Variants in CASZ1 observed in about 807,000 individuals in gnomAD.
CASZ1 encodes zinc finger protein castor homolog 1.
In CASZ1, 28 loss-of-function variants were observed where a neutral mutation model predicts 135.2. The observed-to-expected ratio is 0.21, with a 90% CI of 0.15 to 0.28. CASZ1 has a LOEUF of 0.28. Ranked by LOEUF, CASZ1 falls within the 10% of genes least tolerant of loss-of-function variation. The pLI, the probability that CASZ1 is intolerant of heterozygous loss-of-function variation, is 1.00. For missense variants in CASZ1, 2,161 were observed against 2,453.3 expected, an observed-to-expected ratio of 0.88 and a Z score of 2.52; for synonymous variants, 1,068 against 1,073.4, an observed-to-expected ratio of 0.99 and a Z score of 0.10.
In CASZ1 at chr1:10,727,744, T is replaced by G. The variant is rs1234240687; in HGVS notation, c.-76-22200A>C. 6.6e-6 allele frequency among the ~76,000 whole-genome samples: 1 copy of G among 152,202 alleles called. No individual in the cohort carries two copies. The highest frequency in any genetic ancestry group is 2.4e-5 in the African/African-American group (1 of 41,460). On this transcript the variant is annotated intron_variant, in intron 2 of 20. Transcript: ENST00000377022. The surrounding 1 kb of genome is among the most constrained non-coding windows in gnomAD (Gnocchi z 5.3). ...GAGAAGCTGGCCTTCACCTCGTTCC[T>G]GATCAGAGGCTGAGGAAGGCCAGGC...
chr1:10,642,963 C>T lies in CASZ1; in HGVS notation c.4058G>A (p.Cys1353Tyr). 1.2e-6 allele frequency: 2 copies of T among 1,613,104 alleles called. No individual in the cohort carries two copies. The highest frequency in any genetic ancestry group is 1.7e-6 in the Non-Finnish European group (2 of 1,179,972). ...TGGGCTGCAGCCAGTGTAGTCCATG[C>T]ACTCATCTGTCTCAGCATCCATCAG... ...PGLMDAETDE[C>Y]MDYTGCSPGA... The change falls in exon 20 of 21, where the codon TGC becomes TAC. Residue 1353 changes from cysteine (C) to tyrosine (Y), a missense_variant. This residue lies in a region of CASZ1 where 143 missense variants were observed against 128.3 expected (regional missense o/e 1.11). Coordinates refer to ENST00000377022, the MANE Select transcript of CASZ1 (RefSeq NM_001079843.3).
intron 4 of CASZ1, among the ~76,000 whole-genome samples, chr1:10,668,365 G>A (rs191029895): frequency 4.3e-4 from 65 of 152,322 alleles, no homozygotes; most frequent in African/African-American, 1.4e-3. Context: ...ATCCGTCCCC[G>A]GCCCTGTCAC....
intron 2 of CASZ1, among the ~76,000 whole-genome samples, chr1:10,758,328 C>CTTT (rs756390835): frequency 3.7e-5 from 5 of 134,352 alleles, no homozygotes; most frequent in East Asian, 2.2e-4. Flanking sequence ...CTCTCTCTCT[C>CTTT]TTTTTTTTTT....
In CASZ1 at chr1:10,686,071, C is replaced by T. The variant is rs373163606; in HGVS notation, c.16+7803G>A. Among the ~76,000 whole-genome samples the T allele has an allele frequency of 1.3e-4, 20 of 152,280 alleles. No individual in the cohort carries two copies. The South Asian group carries it at 4.1e-3, about 32-fold the overall frequency. On this transcript the variant is annotated intron_variant, in intron 4 of 20. Coordinates refer to ENST00000377022, the MANE Select transcript of CASZ1 (RefSeq NM_001079843.3). Reference sequence around the variant, plus strand: ...GCTGGGAAGAGGCTACTGGGGCCAACCTGACCCCGTGGCCCCCACCTGACC... The same window carrying T: ...GCTGGGAAGAGGCTACTGGGGCCAATCTGACCCCGTGGCCCCCACCTGACC...
chr1:10,785,057 G>GTC (rs111606813), intron 1 of CASZ1, among the ~76,000 whole-genome samples: 31 of 146,940 alleles, frequency 2.1e-4, no homozygotes, highest in Admixed American at 1.3e-3. Context: ...CTTTCTTTCT[G>GTC]TCTCTCTCTC....
intron 1 of CASZ1, among the ~76,000 whole-genome samples, chr1:10,789,342 T>G (rs1640913187): frequency 2.5e-5 from 3 of 120,686 alleles, no homozygotes; most frequent in Non-Finnish European, 3.6e-5. Context: ...GGCCTGCCAC[T>G]TCCCCAGGGC....
chr1:10,708,236 C>T (rs538097837), intron 2 of CASZ1, among the ~76,000 whole-genome samples: 2 of 152,294 alleles, frequency 1.3e-5, no homozygotes, highest in Admixed American at 6.5e-5. Flanking sequence ...GCCTTCTGAC[C>T]TCCTTCCTCC....
At position 10,762,847 on chromosome 1, in the gene CASZ1, T is replaced by A. The variant is rs951877033; in HGVS notation, c.-233-1990A>T. ...CGGTGAACACTCTCGGTGTTTCATG[T>A]CCTTGGCTCAGAGGAGGTTCCAGCT... On this transcript the variant is annotated intron_variant, in intron 1 of 20. Coordinates refer to ENST00000377022, the MANE Select transcript of CASZ1 (RefSeq NM_001079843.3). This position sits in a 1 kb window ranked among gnomAD's most constrained non-coding sequence, Gnocchi z 4.1. 3.9e-5 allele frequency among the ~76,000 whole-genome samples: 6 copies of A among 152,174 alleles called. No homozygotes were observed. The highest frequency in any genetic ancestry group is 1.4e-4 in the African/African-American group (6 of 41,440).
chr1:10,780,446 AT>A (rs945930533), intron 1 of CASZ1, among the ~76,000 whole-genome samples: 1 of 152,104 alleles, frequency 6.6e-6, no homozygotes, highest in African/African-American at 2.4e-5. Context: ...CCAGGTTTCC[AT>A]TTTGCCAAGA....
Position 10,638,827 on chromosome 1 carries a change from G to T in CASZ1, c.*115C>A. ...CCCGCCTCTGTCCTGAGACGGACTC[G>T]GGGTCCGGAAGCACCGGCGGGGCGC... is the stretch of plus-strand genomic sequence containing the variant. On this transcript the variant is annotated 3_prime_UTR_variant, in exon 21 of 21. Coordinates refer to ENST00000377022, the MANE Select transcript of CASZ1 (RefSeq NM_001079843.3). This position sits in a 1 kb window ranked among gnomAD's most constrained non-coding sequence, Gnocchi z 5.9. 2.1e-6 allele frequency: 2 copies of T among 937,912 alleles called. No homozygotes were observed. Among genetic ancestry groups the T allele is most frequent in the Non-Finnish European group, 2.5e-6 (2 of 787,084 alleles). 58.1% of individuals were successfully genotyped at this position (937,912 alleles called of 1,614,324 possible).
intron 1 of CASZ1, among the ~76,000 whole-genome samples, chr1:10,784,589 A>T (rs1378096417): frequency 6.6e-6 from 1 of 152,118 alleles, no homozygotes; most frequent in African/African-American, 2.4e-5. Flanking sequence ...TTTGAGAGCG[A>T]GTCTCGCTCT....
chr1:10,751,111 T>C (rs1409696482), intron 2 of CASZ1, among the ~76,000 whole-genome samples: 1 of 151,834 alleles, frequency 6.6e-6, no homozygotes, highest in Non-Finnish European at 1.5e-5. Context: ...TTATTGTGAC[T>C]CTTTGAGTCT....
At chr1:10,746,924 G>C (rs1640053247) in intron 2 of CASZ1, among the ~76,000 whole-genome samples, 1 of 152,194 alleles carries the variant, frequency 6.6e-6, no homozygotes, top group African/African-American at 2.4e-5. Flanking sequence ...CGTTTTCCAG[G>C]CTCCCACTCC....
chr1:10,671,239 A>T (rs1244452355), intron 4 of CASZ1, among the ~76,000 whole-genome samples: 2 of 151,818 alleles, frequency 1.3e-5, no homozygotes, highest in Non-Finnish European at 2.9e-5. Flanking sequence ...CCAAACAGGA[A>T]GGGGAGAAAA....
rs921200275 is a variant in CASZ1, at chr1:10,759,658, C to A, written c.-77+1043G>T. ...GCACCAAGGCTCCCGTCTCTGCAAG[C>A]GCTTCCTCCCTGCAAGTTCGAAGTC... On this transcript the variant is annotated intron_variant, in intron 2 of 20. Coordinates refer to ENST00000377022, the MANE Select transcript of CASZ1 (RefSeq NM_001079843.3). The surrounding 1 kb of genome is among the most constrained non-coding windows in gnomAD (Gnocchi z 4.2). 1.3e-5 allele frequency among the ~76,000 whole-genome samples: 2 copies of A among 152,212 alleles called. No individual in the cohort carries two copies. Among genetic ancestry groups the A allele is most frequent in the Non-Finnish European group, 2.9e-5 (2 of 68,030 alleles).
At chr1:10,677,621 T>C (rs1638265846) in intron 4 of CASZ1, among the ~76,000 whole-genome samples, 1 of 152,062 alleles carries the variant, frequency 6.6e-6, no homozygotes, top group Non-Finnish European at 1.5e-5. Context: ...GGGACCGAGG[T>C]CCAAGAGGCT....
chr1:10,705,125 C>T (rs1198905335), intron 3 of CASZ1, among the ~76,000 whole-genome samples: 3 of 152,208 alleles, frequency 2.0e-5, no homozygotes, highest in African/African-American at 7.2e-5. Flanking sequence ...GCACAGCCGG[C>T]CACCGCCACG....
intron 4 of CASZ1, among the ~76,000 whole-genome samples, chr1:10,672,409 C>T (rs1643434323): frequency 6.6e-6 from 1 of 151,984 alleles, no homozygotes; most frequent in Non-Finnish European, 1.5e-5. Context: ...GAAAGCCTCG[C>T]TTAATTATGG....
chr1:10,742,423 GGTCCAGGCT>G (rs1396655664), intron 2 of CASZ1, among the ~76,000 whole-genome samples: 4 of 152,166 alleles, frequency 2.6e-5, no homozygotes, highest in African/African-American at 9.7e-5. Context: ...GTGTGTAGCT[GGTCCAGGCT>G]GTGTAAAGTG....
Sources: allele counts gnomAD v4.1 joint callset (sites outside exome capture counted in the v4.1 genomes callset), GRCh38; gene constraint gnomAD v4.1.1; regional missense constraint gnomAD v4.1.1; non-coding constraint Gnocchi (gnomAD v3.1); transcripts MANE v1.5; gene names NCBI Gene and HGNC (gene_info 2026-07-23, HGNC 2026-07-21).